FHIT: variants seen among roughly 807,000 people sequenced by gnomAD.
FHIT encodes the protein bis(5'-adenosyl)-triphosphatase.
FHIT carries 19 observed loss-of-function variants against 17.9 expected under a neutral mutation model. That is an observed-to-expected ratio of 1.06 (90% CI 0.74 to 1.56). FHIT has a LOEUF of 1.56. Ranked by LOEUF, FHIT falls within the 40% of genes most tolerant of loss-of-function variation. FHIT has a pLI of 0.00. For missense variants in FHIT, 248 were observed against 189.2 expected (o/e 1.31, Z -1.82); for synonymous variants, 81 against 69.7 (o/e 1.16, Z -0.81).
At chr3:60,097,923 T>C (rs1298229328) in intron 5 of FHIT, among the ~76,000 whole-genome samples, 1 of 146,676 alleles carries the variant, frequency 6.8e-6, no homozygotes, top group Non-Finnish European at 1.5e-5. Flanking sequence ...GTCCATGTGT[T>C]CTCATTGTTC....
At chr3:61,148,202 A>C (rs9828175) in intron 2 of FHIT, among the ~76,000 whole-genome samples, 73,439 of 151,784 alleles carry the variant, frequency 0.48, 18,496 homozygotes, top group East Asian at 0.86. Context: ...TATATGAATT[A>C]TTTTCTCTCT....
intron 2 of FHIT, among the ~76,000 whole-genome samples, chr3:61,098,355 CGTA>C (rs1274700729): frequency 1.3e-5 from 2 of 152,006 alleles, no homozygotes; most frequent in African/African-American, 4.8e-5. Flanking sequence ...ACTGTAGCCT[CGTA>C]GTACAGTTTG....
intron 2 of FHIT, among the ~76,000 whole-genome samples, chr3:61,112,813 T>C (rs891301149): frequency 3.3e-5 from 5 of 152,290 alleles, no homozygotes; most frequent in East Asian, 1.9e-4. Context: ...CAGAGCTACC[T>C]GAACAGACTA....
chr3:60,845,797 C>T (rs1702907045), intron 3 of FHIT, among the ~76,000 whole-genome samples: 2 of 152,150 alleles, frequency 1.3e-5, no homozygotes, highest in Middle Eastern at 3.4e-3. Flanking sequence ...ACTCACAGGT[C>T]GATGTCTGGG....
intron 8 of FHIT, among the ~76,000 whole-genome samples, chr3:59,829,741 T>G (rs2106698142): frequency 6.6e-6 from 1 of 152,282 alleles, no homozygotes; most frequent in African/African-American, 2.4e-5. Flanking sequence ...CACATGACTC[T>G]CCAGCTCTCT....
At chr3:61,090,823 A>C (rs2035459106) in intron 2 of FHIT, among the ~76,000 whole-genome samples, 1 of 152,184 alleles carries the variant, frequency 6.6e-6, no homozygotes, top group African/African-American at 2.4e-5. Context: ...ATCAATAGGA[A>C]AAATTTGAAG....
intron 7 of FHIT, among the ~76,000 whole-genome samples, chr3:59,996,152 G>A (rs1699502751): frequency 1.3e-5 from 2 of 152,042 alleles, no homozygotes; most frequent in Non-Finnish European, 2.9e-5. Context: ...CCCCATTCGT[G>A]CTCTTATTTA....
intron 3 of FHIT, among the ~76,000 whole-genome samples, chr3:60,892,254 T>C (rs1700117493): frequency 1.3e-5 from 2 of 152,186 alleles, no homozygotes; most frequent in Non-Finnish European, 2.9e-5. Context: ...ATGTAAATCA[T>C]CTTTTTTGGC....
At chr3:60,519,198 G>C (rs1483689228) in intron 5 of FHIT, among the ~76,000 whole-genome samples, 1 of 152,120 alleles carries the variant, frequency 6.6e-6, no homozygotes, top group Non-Finnish European at 1.5e-5. Flanking sequence ...TTTTTATTTT[G>C]TACAGTGGGC....
chr3:60,419,530 C>T (rs1030114365), intron 5 of FHIT, among the ~76,000 whole-genome samples: 1 of 152,170 alleles, frequency 6.6e-6, no homozygotes, highest in Non-Finnish European at 1.5e-5. Flanking sequence ...GGGGCTCCAA[C>T]ATGCCCTTGT....
chr3:61,034,154 TAA>T (rs1365412189), intron 3 of FHIT, among the ~76,000 whole-genome samples: 1 of 152,174 alleles, frequency 6.6e-6, no homozygotes, highest in Non-Finnish European at 1.5e-5. Context: ...TGCTAAACTG[TAA>T]AACTCTTTGA....
At chr3:60,594,308 T>A (rs757868135) in intron 4 of FHIT, among the ~76,000 whole-genome samples, 12 of 152,062 alleles carry the variant, frequency 7.9e-5, no homozygotes, top group Non-Finnish European at 1.5e-4. Context: ...CCATTGTAAC[T>A]CTAGCCCATG....
intron 8 of FHIT, among the ~76,000 whole-genome samples, chr3:59,779,129 C>T (rs1238390682): frequency 6.6e-6 from 1 of 152,166 alleles, no homozygotes; most frequent in African/African-American, 2.4e-5. Context: ...AAATCACATC[C>T]AAGTTTGCAG....
chr3:60,058,376 G>A (rs1326918185), intron 5 of FHIT, among the ~76,000 whole-genome samples: 1 of 151,906 alleles, frequency 6.6e-6, no homozygotes, highest in Non-Finnish European at 1.5e-5. Context: ...TGATCTGCCC[G>A]CCTCAGCCTC....
intron 3 of FHIT, among the ~76,000 whole-genome samples, chr3:60,895,540 T>C (rs1192381492): frequency 3.3e-5 from 5 of 152,200 alleles, no homozygotes; most frequent in South Asian, 2.1e-4. Flanking sequence ...ATTATTACTA[T>C]AATAGTTGTA....
At chr3:60,155,215 C>A (rs1392400718) in intron 5 of FHIT, among the ~76,000 whole-genome samples, 1 of 150,942 alleles carries the variant, frequency 6.6e-6, no homozygotes, top group Non-Finnish European at 1.5e-5. Flanking sequence ...TGCCATTCTC[C>A]ATTAAGAGCA....
At chr3:60,209,633 G>A (rs561200152) in intron 5 of FHIT, among the ~76,000 whole-genome samples, 5 of 152,158 alleles carry the variant, frequency 3.3e-5, no homozygotes, top group Admixed American at 6.5e-5. Context: ...AACAAGGAAA[G>A]TGAGTGAAAA....
chr3:60,198,746 C>T (rs1326522378), intron 5 of FHIT, among the ~76,000 whole-genome samples: 1 of 152,160 alleles, frequency 6.6e-6, no homozygotes, highest in African/African-American at 2.4e-5. Context: ...GTTTCAATTT[C>T]TCAATCTCTC....
intron 8 of FHIT, among the ~76,000 whole-genome samples, chr3:59,921,257 T>C (rs746989814): frequency 6.6e-6 from 1 of 152,162 alleles, no homozygotes; most frequent in Non-Finnish European, 1.5e-5. Context: ...AGGGTTTGAG[T>C]TGCTGTTTTA....
Sources: allele counts gnomAD v4.1 joint callset (sites outside exome capture counted in the v4.1 genomes callset), GRCh38; gene constraint gnomAD v4.1.1; transcripts MANE v1.5; gene names NCBI Gene and HGNC (gene_info 2026-07-23, HGNC 2026-07-21).